Variants in PLEKHA7 observed in about 807,000 individuals in gnomAD.
The protein encoded by PLEKHA7 is pleckstrin homology domain containing A7, also known as pleckstrin homology domain-containing family A member 7.
Under a neutral mutation model 170.0 loss-of-function variants are expected in PLEKHA7, and 104 were observed. That is an observed-to-expected ratio of 0.61 (90% CI 0.52 to 0.72). PLEKHA7 has a LOEUF of 0.72. PLEKHA7 is among the 30% of genes least tolerant of loss of function. The pLI, the probability that PLEKHA7 is intolerant of heterozygous loss-of-function variation, is 0.00. For missense variants in PLEKHA7, 1,615 were observed against 1,671.7 expected, an observed-to-expected ratio of 0.97 and a Z score of 0.59; for synonymous variants, 648 against 660.8, an observed-to-expected ratio of 0.98 and a Z score of 0.30.
At chr11:16,821,649 T>G (rs981618245) in intron 10 of PLEKHA7, among the ~76,000 whole-genome samples, 2 of 152,180 alleles carry the variant, frequency 1.3e-5, no homozygotes, top group Non-Finnish European at 2.9e-5. Flanking sequence ...AAATGGAAAA[T>G]GGAGGAGTTC....
At chr11:16,801,986 G>C (rs937504347) in intron 15 of PLEKHA7, among the ~76,000 whole-genome samples, 169 bp from the exon 16 acceptor site, 1 of 152,162 alleles carries the variant, frequency 6.6e-6, no homozygotes, top group Non-Finnish European at 1.5e-5. Flanking sequence ...TCTGTCTAGG[G>C]AGTAGGCTGG....
At chr11:17,002,210 G>C (rs1318361782) in intron 3 of PLEKHA7, among the ~76,000 whole-genome samples, 2 of 152,210 alleles carry the variant, frequency 1.3e-5, no homozygotes, top group African/African-American at 4.8e-5. Flanking sequence ...GCAGAGAACT[G>C]CTTCTGAGGG....
At chr11:16,807,069 G>T (rs1849040318) in intron 13 of PLEKHA7, 2 of 708,346 alleles carry the variant, frequency 2.8e-6, no homozygotes, top group Non-Finnish European at 3.5e-6. Context: ...AACTGGTTAA[G>T]CAAGTGATGA....
chr11:16,884,809 G>A (rs1218135597), intron 3 of PLEKHA7, among the ~76,000 whole-genome samples: 2 of 152,146 alleles, frequency 1.3e-5, no homozygotes, highest in African/African-American at 4.8e-5. Flanking sequence ...TGAACACCTA[G>A]TGTTATTTAT....
intron 12 of PLEKHA7, 197 bp from the exon 13 acceptor site, chr11:16,813,363 G>A (rs561982964): frequency 2.1e-6 from 1 of 467,130 alleles, no homozygotes; most frequent in Non-Finnish European, 4.0e-6. Context: ...GGCGGATCTT[G>A]CAGGTCACTG....
chr11:16,935,701 T>C (rs1326647730), intron 3 of PLEKHA7, among the ~76,000 whole-genome samples: 1 of 152,230 alleles, frequency 6.6e-6, no homozygotes, highest in African/African-American at 2.4e-5. Context: ...TCTTCAGGGA[T>C]ACTCTCTCTA....
At chr11:16,802,852 T>C (rs923152194) in intron 15 of PLEKHA7, 120 bp downstream of exon 15, 3 of 916,284 alleles carry the variant, frequency 3.3e-6, no homozygotes, top group Non-Finnish European at 5.2e-6. Context: ...GGTGCATTTT[T>C]TTTTAAATAA....
chr11:16,856,862 A>G (rs550113230), intron 4 of PLEKHA7, among the ~76,000 whole-genome samples: 52 of 152,300 alleles, frequency 3.4e-4, no homozygotes, highest in Admixed American at 5.9e-4. Flanking sequence ...GCTCTGTCCA[A>G]TGCTCCAATA....
At chr11:16,788,807 C>A (rs560612709) in intron 23 of PLEKHA7, 1 of 511,232 alleles carries the variant, frequency 2.0e-6, no homozygotes, top group Non-Finnish European at 3.5e-6. Flanking sequence ...GCCGAGATTC[C>A]GAACGCCTGC....
intron 23 of PLEKHA7, chr11:16,787,012 A>T: frequency 1.0e-6 from 1 of 985,104 alleles, no homozygotes; most frequent in Non-Finnish European, 1.2e-6. Flanking sequence ...AAAAAAACTA[A>T]ATCATATAAA....
Position 16,782,844 on chromosome 11 carries a change from G to C in PLEKHA7, c.3703C>G (p.Leu1235Val). 1.3e-6 allele frequency: 2 copies of C among 1,536,186 alleles called. No individual in the cohort carries two copies. Among genetic ancestry groups the C allele is most frequent in the South Asian group, 1.2e-5 (1 of 84,066 alleles). The change falls in exon 26 of 27, where the codon CTG (leucine) becomes GTG (valine). Residue 1235 changes from leucine (L) to valine (V), a missense_variant. Physicochemically the swap from Leu to Val is conservative, Grantham distance 32 (BLOSUM62 1). Transcript: ENST00000531066. ...TCCTGCTCCTGCAGCTGCAAGTCCA[G>C]GTCAGCCACACTGTTCTGGTCCTGG... ...SGQDQNSVADLDLQLQEQERI... is the reference protein window; with the variant it reads ...SGQDQNSVADVDLQLQEQERI...
intron 3 of PLEKHA7, among the ~76,000 whole-genome samples, chr11:16,934,364 C>G (rs1335302732): frequency 2.0e-5 from 3 of 152,052 alleles, no homozygotes; most frequent in South Asian, 4.2e-4. Context: ...CTCCTTGGCT[C>G]AGATGAAGTG....
At chr11:16,925,209 G>T (rs1188113128) in intron 3 of PLEKHA7, among the ~76,000 whole-genome samples, 2 of 152,256 alleles carry the variant, frequency 1.3e-5, no homozygotes, top group Non-Finnish European at 2.9e-5. Context: ...TTGGGAAGCG[G>T]CGCTCTCTGC....
intron 3 of PLEKHA7, among the ~76,000 whole-genome samples, chr11:16,951,142 T>C (rs1212836659): frequency 6.6e-6 from 1 of 152,236 alleles, no homozygotes; most frequent in Non-Finnish European, 1.5e-5. Context: ...TCATCCATAT[T>C]GCAAAGACAA....
chr11:17,005,480 T>C (rs541367779), intron 3 of PLEKHA7, among the ~76,000 whole-genome samples: 43 of 152,194 alleles, frequency 2.8e-4, no homozygotes, highest in African/African-American at 1.0e-3. Flanking sequence ...TGCAGTGAGC[T>C]GAGATCATGC....
At chr11:16,790,970 T>C (rs780266959) in intron 20 of PLEKHA7, 41 bp downstream of exon 20, 2 of 1,613,796 alleles carry the variant, frequency 1.2e-6, no homozygotes, top group South Asian at 2.2e-5. Flanking sequence ...CCTTTACCTC[T>C]CCCCACATGT....
At chr11:16,897,034 G>T (rs1485101615) in intron 3 of PLEKHA7, among the ~76,000 whole-genome samples, 2 of 152,280 alleles carry the variant, frequency 1.3e-5, no homozygotes, top group Non-Finnish European at 2.9e-5. Context: ...TTGGCTTAAT[G>T]AACAGCCAGT....
intron 3 of PLEKHA7, among the ~76,000 whole-genome samples, chr11:16,909,383 T>C (rs1858089132): frequency 6.6e-6 from 1 of 152,216 alleles, no homozygotes; most frequent in Admixed American, 6.5e-5. Flanking sequence ...AACCACATCT[T>C]GTACTATGTG....
chr11:16,925,002 C>T (rs1375199340), intron 3 of PLEKHA7, among the ~76,000 whole-genome samples: 1 of 152,232 alleles, frequency 6.6e-6, no homozygotes, highest in African/African-American at 2.4e-5. Flanking sequence ...GAGAAGCTGA[C>T]CCCTTACCTC....
Sources: allele counts gnomAD v4.1 joint callset (sites outside exome capture counted in the v4.1 genomes callset), GRCh38; gene constraint gnomAD v4.1.1; transcripts MANE v1.5; gene names NCBI Gene and HGNC (gene_info 2026-07-23, HGNC 2026-07-21).